Variants in APBB2 observed in about 807,000 individuals in gnomAD.
The protein encoded by APBB2 is amyloid beta precursor protein binding family B member 2.
Under a neutral mutation model 82.5 loss-of-function variants are expected in APBB2, and 38 were observed. That is an observed-to-expected ratio of 0.46 (90% CI 0.36 to 0.60). The LOEUF (loss-of-function observed/expected upper bound fraction) is 0.60. APBB2 is among the 20% of genes least tolerant of loss of function. The probability of loss-of-function intolerance (pLI) is 0.00; values close to 1 mark genes in which losing one functional copy is unlikely to be tolerated. For synonymous variants in APBB2, 341 were observed against 368.2 expected (o/e 0.93, Z 0.85); for missense variants, 772 against 972.3 (o/e 0.79, Z 2.74).
chr4:41,111,912 T>G (rs1749326944), intron 2 of APBB2, among the ~76,000 whole-genome samples: 2 of 152,152 alleles, frequency 1.3e-5, no homozygotes, highest in South Asian at 2.1e-4. Context: ...TCCGTTCAGT[T>G]GGAATACAAT....
At chr4:41,074,086 A>C (rs975899362) in intron 3 of APBB2, among the ~76,000 whole-genome samples, 5 of 152,226 alleles carry the variant, frequency 3.3e-5, no homozygotes, top group Non-Finnish European at 4.4e-5. Flanking sequence ...TGATGGTGCC[A>C]CTGCACTTCA....
chr4:41,121,255 C>CA (rs1206653874), intron 2 of APBB2, among the ~76,000 whole-genome samples: 1 of 152,206 alleles, frequency 6.6e-6, no homozygotes. Flanking sequence ...TTAACTCTAG[C>CA]ATCAGTAACA....
Position 40,850,786 on chromosome 4 carries a change from T to A in APBB2, c.1530-20209A>T, listed in dbSNP as rs144359613. On this transcript the variant is annotated intron_variant, in intron 12 of 17. Transcript: ENST00000508593. ...GTGAGACCTCAGCTCTAAAAAAAAT[T>A]TTTTTAAATAGCCAGGTGTGGTGGT... Among the ~76,000 whole-genome samples the A allele has an allele frequency of 2.3e-3, 351 of 152,190 alleles. 1 individual carries two copies. Among genetic ancestry groups the A allele is most frequent in the Non-Finnish European group, 4.2e-3 (289 of 68,004 alleles).
intron 10 of APBB2, among the ~76,000 whole-genome samples, chr4:40,926,566 C>T (rs918034738): frequency 6.6e-6 from 1 of 152,250 alleles, no homozygotes; most frequent in Non-Finnish European, 1.5e-5. Context: ...ATTCTCCTGC[C>T]TCAGCCTCCC....
At chr4:41,025,227 T>C (rs368698623) in intron 5 of APBB2, among the ~76,000 whole-genome samples, 1 of 152,206 alleles carries the variant, frequency 6.6e-6, no homozygotes, top group South Asian at 2.1e-4. Context: ...GCAAAGGACA[T>C]GAACAGACAC....
At chr4:40,888,422 G>A (rs1020049215) in intron 12 of APBB2, among the ~76,000 whole-genome samples, 1 of 152,218 alleles carries the variant, frequency 6.6e-6, no homozygotes, top group Non-Finnish European at 1.5e-5. Flanking sequence ...TCATCCACTC[G>A]TACACGCATG....
At chr4:40,912,594 G>A (rs1016446633) in intron 10 of APBB2, among the ~76,000 whole-genome samples, 3 of 131,806 alleles carry the variant, frequency 2.3e-5, no homozygotes, top group Non-Finnish European at 3.4e-5. Flanking sequence ...AAAAAAAAAA[G>A]GACAGCTCAG....
chr4:41,060,671 T>C (rs1729490794), intron 4 of APBB2, among the ~76,000 whole-genome samples: 1 of 152,086 alleles, frequency 6.6e-6, no homozygotes, highest in Admixed American at 6.5e-5. Flanking sequence ...GAGGGAGATT[T>C]AAGAGCTGCA....
rs143668832 is a variant in APBB2, at chr4:41,000,185, C to T, written c.835+13398G>A. Among the ~76,000 whole-genome samples the T allele has an allele frequency of 2.4e-4, 37 of 151,106 alleles. No homozygotes were observed. The East Asian group carries it at 7.2e-3, about 30-fold the overall frequency. On this transcript the variant is annotated intron_variant, in intron 6 of 17. Transcript: ENST00000508593. ...CTGAGGTAGGGGGATCACCTGAGTC[C>T]AGGGAGGCTGAGGCTGCAGTGAACC...
intron 12 of APBB2, among the ~76,000 whole-genome samples, chr4:40,834,427 C>T (rs948535753): frequency 1.4e-4 from 22 of 152,304 alleles, no homozygotes; most frequent in South Asian, 2.1e-4. Context: ...GACAATGAAA[C>T]ATACAAGCGA....
At chr4:41,174,061 A>G (rs1769073483) in intron 1 of APBB2, among the ~76,000 whole-genome samples, 1 of 152,210 alleles carries the variant, frequency 6.6e-6, no homozygotes, top group Non-Finnish European at 1.5e-5. Context: ...CTCGTTTAAA[A>G]TCATCTTAGT....
At chr4:41,032,011 T>C (rs556498011) in intron 5 of APBB2, among the ~76,000 whole-genome samples, 20 of 152,330 alleles carry the variant, frequency 1.3e-4, no homozygotes, top group Non-Finnish European at 2.2e-4. Flanking sequence ...AGGTTTGTCA[T>C]AGTTTTTGGC....
rs577277659 is a variant in APBB2 at position 40,810,753 on chromosome 4, A to G, written c.*5339T>C. 2 of 152,292 alleles carry G rather than the reference A, an allele frequency of 1.3e-5. No individual in the cohort carries two copies. The highest frequency in any genetic ancestry group is 6.5e-5 in the Admixed American group (1 of 15,296). 9.4% of individuals were successfully genotyped at this position (152,292 alleles called of 1,614,324 possible). A position where few individuals can be genotyped will look rare whatever the true frequency, so the allele number is the denominator to read the frequency against. ...TTGCTGATTTTGAAAATCAAACACT[A>G]TCTCCTTGCCCTAAAATTATAGCGT... On this transcript the variant is annotated 3_prime_UTR_variant, in exon 18 of 18. Coordinates refer to ENST00000508593, the MANE Select transcript of APBB2 (RefSeq NM_004307.2).
chr4:40,927,529 T>C (rs1320406261), intron 10 of APBB2, among the ~76,000 whole-genome samples: 1 of 152,196 alleles, frequency 6.6e-6, no homozygotes, highest in African/African-American at 2.4e-5. Flanking sequence ...TCACCCAGGC[T>C]GAAGTGCAGT....
chr4:40,891,850 C>T (rs1316594004), intron 11 of APBB2, among the ~76,000 whole-genome samples: 2 of 152,176 alleles, frequency 1.3e-5, no homozygotes, highest in Non-Finnish European at 2.9e-5. Context: ...GTCACAACCA[C>T]CTACCTTCTA....
intron 6 of APBB2, among the ~76,000 whole-genome samples, chr4:40,960,449 T>TTG (rs1193740273): frequency 6.9e-6 from 1 of 144,278 alleles, no homozygotes; most frequent in African/African-American, 2.5e-5. Flanking sequence ...TTTTTCGGGT[T>TTG]TTTTTTTTTT....
intron 12 of APBB2, among the ~76,000 whole-genome samples, chr4:40,844,074 T>C (rs769399192): frequency 5.9e-5 from 9 of 152,176 alleles, no homozygotes; most frequent in Non-Finnish European, 1.3e-4. Context: ...GGAACATTCC[T>C]CTCTTTTGGT....
Position 41,080,698 on chromosome 4 carries a change from C to CTTT in APBB2, c.-148-15028_-148-15026dup, listed in dbSNP as rs5857775. Among the ~76,000 whole-genome samples, 768 of 120,902 alleles carry CTTT rather than the reference C, an allele frequency of 6.4e-3. 12 individuals are homozygous for CTTT. The highest frequency in any genetic ancestry group is 9.5e-3 in the Non-Finnish European group (571 of 60,298). The allele number at this position is 120,902 out of a possible 152,430, so 79.3% of individuals were successfully genotyped here. A position where few individuals can be genotyped will look rare whatever the true frequency, so the allele number is the denominator to read the frequency against. Reference sequence around the variant, plus strand: ...ATTTCAGTTGGTGATGTAAATGCTCCTTTTTTTTTTTTTTTTTTTTAAAGA... The same window carrying CTTT: ...ATTTCAGTTGGTGATGTAAATGCTCCTTTTTTTTTTTTTTTTTTTTTTTAAAGA... On this transcript the variant is annotated intron_variant, in intron 3 of 17. Transcript: ENST00000508593.
At chr4:40,907,738 G>A (rs1408075111) in intron 10 of APBB2, among the ~76,000 whole-genome samples, 1 of 142,064 alleles carries the variant, frequency 7.0e-6, no homozygotes, top group African/African-American at 2.7e-5. Context: ...GAAATGGCGC[G>A]ATCTTAGCTC....
Sources: gnomAD v4.1 joint callset for allele counts (sites outside exome capture counted in the v4.1 genomes callset) on GRCh38, gnomAD v4.1.1 for gene constraint, MANE v1.5 for transcripts, NCBI Gene and HGNC (gene_info 2026-07-23, HGNC 2026-07-21) for gene names.